The following STK3 variants were observed in gnomAD, a reference collection of about 807,000 sequenced individuals.
STK3 encodes serine/threonine-protein kinase 3.
Under a neutral mutation model 58.0 loss-of-function variants are expected in STK3, and 41 were observed. That is an observed-to-expected ratio of 0.71 (90% CI 0.55 to 0.92). The LOEUF (loss-of-function observed/expected upper bound fraction) is 0.92, where lower values mean the gene tolerates loss of function less well. Among genes scored for constraint, STK3 ranks in the 40% least tolerant of loss-of-function variants. The pLI is 0.00. For synonymous variants in STK3, 170 were observed against 191.0 expected (o/e 0.89, Z 0.91); for missense variants, 479 against 602.7 (o/e 0.79, Z 2.15).
chr8:98,920,567 C>T (rs1011935512), intron 1 of STK3, among the ~76,000 whole-genome samples: 4 of 152,166 alleles, frequency 2.6e-5, no homozygotes, highest in Non-Finnish European at 2.9e-5. Flanking sequence ...GTGGTGCAGC[C>T]GTTGTTTGGA....
intron 1 of STK3, among the ~76,000 whole-genome samples, chr8:98,822,979 G>A (rs2131741596): frequency 6.6e-6 from 1 of 152,332 alleles, no homozygotes; most frequent in South Asian, 2.1e-4. Flanking sequence ...AGTGAGCCGA[G>A]ATTGTACCCC....
intron 6 of STK3, chr8:98,633,651 C>G: frequency 1.4e-6 from 1 of 715,180 alleles, no homozygotes; most frequent in Non-Finnish European, 2.6e-6. Context: ...TAATAAGGAA[C>G]TTGATCCTGT....
intron 10 of STK3, among the ~76,000 whole-genome samples, chr8:98,460,553 T>A (rs1187530028): frequency 6.6e-6 from 1 of 152,170 alleles, no homozygotes; most frequent in Non-Finnish European, 1.5e-5. Flanking sequence ...AGGGGCAGAA[T>A]GATATGGTTT....
Position 98,596,016 on chromosome 8 carries a change from AG to A in STK3, c.822+15del. The A allele has an allele frequency of 6.2e-7, 1 of 1,603,948 alleles. No individual in the cohort carries two copies. Among genetic ancestry groups the A allele is most frequent in the African/African-American group, 1.3e-5 (1 of 74,892 alleles). On this transcript the variant is annotated intron_variant, in intron 7 of 10. Coordinates refer to ENST00000419617, the MANE Select transcript of STK3 (RefSeq NM_006281.4). ...TATGAAGAAAATATCCTTCCCTTCG[AG>A]GCACAAGCACTGACCTGTAAAAGTT...
chr8:98,889,686 C>G (rs1379594906), intron 1 of STK3: 1 of 152,176 alleles, frequency 6.6e-6, no homozygotes, highest in Non-Finnish European at 1.5e-5. Context: ...ATGCATTATA[C>G]TTCATTTAGA....
At chr8:98,443,352 G>T (rs890539670) in intron 1 of STK3, among the ~76,000 whole-genome samples, 2 of 152,178 alleles carry the variant, frequency 1.3e-5, no homozygotes, top group Non-Finnish European at 1.5e-5. Context: ...GCGATAACAG[G>T]TATGATTTTG....
At position 98,460,995 on chromosome 8, in the gene STK3, T is replaced by C. The variant is rs552975136; in HGVS notation, c.1318-4995A>G. On this transcript the variant is annotated intron_variant, in intron 10 of 10. Transcript: ENST00000419617. ...TCTTGGGTAGAATGTTCTGTAAATA[T>C]TTGTTATGTCCATTTGTTCTACAGT... 4.6e-5 allele frequency among the ~76,000 whole-genome samples: 7 copies of C among 152,346 alleles called. 1 individual carries two copies. The East Asian group carries it at 9.6e-4, about 21-fold the overall frequency.
intron 10 of STK3, among the ~76,000 whole-genome samples, chr8:98,525,393 T>C (rs1246146185): frequency 1.3e-5 from 2 of 151,544 alleles, no homozygotes; most frequent in Non-Finnish European, 1.5e-5. Flanking sequence ...TCCATGTAAA[T>C]TTAAAAAACA....
upstream of STK3, among the ~76,000 whole-genome samples, chr8:98,392,307 C>T (rs1176477521): frequency 6.6e-6 from 1 of 152,046 alleles, no homozygotes; most frequent in African/African-American, 2.4e-5. Flanking sequence ...TGGAATGCTT[C>T]CTATTTCTAA....
At chr8:98,897,963 T>C (rs1387062523) in intron 1 of STK3, among the ~76,000 whole-genome samples, 1 of 152,254 alleles carries the variant, frequency 6.6e-6, no homozygotes, top group Non-Finnish European at 1.5e-5. Context: ...AGAGCTCTTC[T>C]GCCCCAGGAG....
rs750766191 is a variant in STK3 at position 98,649,429 on chromosome 8, T to C, written c.685-53260A>G. Among the ~76,000 whole-genome samples, 12 of 152,206 alleles carry C rather than the reference T, an allele frequency of 7.9e-5. No homozygotes were observed. The East Asian group carries it at 9.6e-4, about 12-fold the overall frequency. ...AAACTTCTCCCAAGTTTCTAATTCA[T>C]GCATATAGTCCAGAATTCATATTCT... On this transcript the variant is annotated intron_variant, in intron 6 of 10. Transcript: ENST00000419617.
At chr8:98,696,685 T>A (rs199613841) in intron 6 of STK3, among the ~76,000 whole-genome samples, 10 of 152,190 alleles carry the variant, frequency 6.6e-5, no homozygotes, top group African/African-American at 1.9e-4. Context: ...ATTGAACCAG[T>A]CTTGCATCCC....
intron 4 of STK3, among the ~76,000 whole-genome samples, chr8:98,711,831 G>C (rs1826479825): frequency 6.6e-6 from 1 of 152,154 alleles, no homozygotes; most frequent in South Asian, 2.1e-4. Flanking sequence ...ACACATAATT[G>C]TCAGATTCAC....
chr8:98,435,359 T>C (rs1298283565), intron 2 of STK3, among the ~76,000 whole-genome samples: 1 of 152,134 alleles, frequency 6.6e-6, no homozygotes, highest in Admixed American at 6.5e-5. Context: ...TCGAAGTCAG[T>C]AAGTCTAGAG....
chr8:98,372,265 CT>C (rs751817029), intron 2 of STK3, among the ~76,000 whole-genome samples: 2 of 152,182 alleles, frequency 1.3e-5, no homozygotes, highest in Non-Finnish European at 2.9e-5. Context: ...ATTTCTGTTG[CT>C]TTAAGCCACT....
chr8:98,488,677 T>C (rs1400701801), intron 10 of STK3, among the ~76,000 whole-genome samples: 3 of 152,132 alleles, frequency 2.0e-5, no homozygotes, highest in Non-Finnish European at 4.4e-5. Flanking sequence ...TAAAGGTAGA[T>C]ACGTAGCTGC....
At chr8:98,656,902 ATATCT>A (rs1480494600) in intron 6 of STK3, among the ~76,000 whole-genome samples, 1 of 152,116 alleles carries the variant, frequency 6.6e-6, no homozygotes, top group African/African-American at 2.4e-5. Context: ...ATATCTAAAC[ATATCT>A]TTACTCTGAA....
chr8:98,418,436 C>T (rs1818136073), intron 3 of STK3, among the ~76,000 whole-genome samples: 1 of 152,176 alleles, frequency 6.6e-6, no homozygotes, highest in South Asian at 2.1e-4. Context: ...AACAGGAGCC[C>T]ACAGAGGCAT....
chr8:98,370,726 T>G (rs1817601826), downstream of STK3, among the ~76,000 whole-genome samples: 1 of 152,144 alleles, frequency 6.6e-6, no homozygotes, highest in Admixed American at 6.5e-5. Flanking sequence ...TTGCATAAGG[T>G]TCAGAGCCAG....
Sources: gnomAD v4.1 joint callset for allele counts (sites outside exome capture counted in the v4.1 genomes callset) on GRCh38, gnomAD v4.1.1 for gene constraint, MANE v1.5 for transcripts, NCBI Gene and HGNC (gene_info 2026-07-23, HGNC 2026-07-21) for gene names.